Variants in IFNLR1 observed in about 807,000 individuals in gnomAD.
IFNLR1 encodes CRF2-12.
In IFNLR1, 28 loss-of-function variants were observed where a neutral mutation model predicts 52.5. The observed-to-expected ratio is 0.53, with a 90% CI of 0.40 to 0.73. IFNLR1 has a LOEUF of 0.73. Ranked by LOEUF, IFNLR1 falls within the 30% of genes least tolerant of loss-of-function variation. IFNLR1 has a pLI of 0.00. For missense variants in IFNLR1, 623 were observed against 659.1 expected (o/e 0.95, Z 0.60); for synonymous variants, 276 against 274.9 (o/e 1.00, Z -0.04).
chr1:24,177,958 C>T (rs983021539), intron 2 of IFNLR1, among the ~76,000 whole-genome samples: 15 of 151,992 alleles, frequency 9.9e-5, no homozygotes, highest in Admixed American at 7.2e-4. Context: ...GGGAAGCACC[C>T]GTATAACTCA....
At chr1:24,171,413 A>C (rs888175600) in intron 2 of IFNLR1, among the ~76,000 whole-genome samples, 4 of 152,244 alleles carry the variant, frequency 2.6e-5, no homozygotes, top group Admixed American at 1.3e-4. Flanking sequence ...TATCTCATAA[A>C]GTATTTCTTC....
rs925939756 is a variant in IFNLR1 at position 24,155,032 on chromosome 1, G to A, written c.*2098C>T. The A allele has an allele frequency of 3.3e-5, 5 of 152,184 alleles. No individual in the cohort carries two copies. Among genetic ancestry groups the A allele is most frequent in the African/African-American group, 1.2e-4 (5 of 41,440 alleles). The allele number at this position is 152,184 out of a possible 1,614,324, so 9.4% of individuals were successfully genotyped here. On this transcript the variant is annotated 3_prime_UTR_variant, in exon 7 of 7. Coordinates refer to ENST00000327535, the MANE Select transcript of IFNLR1 (RefSeq NM_170743.4). Reference sequence around the variant, plus strand: ...TGAAGTTACCTCCACGAAGCAGCTCGGCTGGTGCCAGAGAGAACATCGGTA... The same window carrying A: ...TGAAGTTACCTCCACGAAGCAGCTCAGCTGGTGCCAGAGAGAACATCGGTA...
intron 3 of IFNLR1, among the ~76,000 whole-genome samples, chr1:24,162,868 TTTCTTTCTTTCCTTCCTTCCTTCC>T (rs1644473665): frequency 0.031 from 1,788 of 57,662 alleles, 61 homozygotes; most frequent in East Asian, 0.048. Flanking sequence ...TCTTTCTTTC[TTTCTTTCTTTCCTTCCTTCCTTCC>T]TTCCTTCCTT....
intron 2 of IFNLR1, 86 bp from the exon 3 acceptor site, chr1:24,169,687 CTGTT>C (rs773869819): frequency 5.3e-5 from 74 of 1,392,140 alleles, no homozygotes; most frequent in Middle Eastern, 4.5e-4. Flanking sequence ...ATGCTTCCCT[CTGTT>C]TGGCTGGACT....
At position 24,157,430 on chromosome 1, in the gene IFNLR1, G is replaced by A. The variant is rs745996413; in HGVS notation, c.1263C>T (p.His421=). ...ATTCAGGTGGTGGGAGAGATTCTTG[G>A]TGCCCATCCCCACCCGGCCCTTGGC... is the stretch of plus-strand genomic sequence containing the variant. ...GPGQGPGGDG[H]QESLPPPEFS... is the part of the protein sequence containing the mutation. The change falls in exon 7 of 7, where the codon CAC becomes CAT. Residue 421 remains histidine (H), a synonymous_variant. Transcript: ENST00000327535. The surrounding 1 kb of genome is among the most constrained non-coding windows in gnomAD (Gnocchi z 5.1). 45 of 1,614,116 alleles carry A rather than the reference G, an allele frequency of 2.8e-5. No individual in the cohort carries two copies. Among genetic ancestry groups the A allele is most frequent in the Middle Eastern group, 1.6e-4 (1 of 6,062 alleles).
Position 24,169,415 on chromosome 1 carries a change from A to G in IFNLR1, c.367+2T>C. 9 of 1,613,256 alleles carry G rather than the reference A, an allele frequency of 5.6e-6. No homozygotes were observed. Among genetic ancestry groups the G allele is most frequent in the South Asian group, 1.1e-5 (1 of 90,966 alleles). ...CACTCAGTCCCTTACCCACAGACCT[A>G]CCTTCAAAAAGGTAATCCAGGTATT... On this transcript the variant is annotated splice_donor_variant, in intron 3 of 6. Coordinates refer to ENST00000327535, the MANE Select transcript of IFNLR1 (RefSeq NM_170743.4). LOFTEE classifies it high-confidence loss of function.
intron 2 of IFNLR1, among the ~76,000 whole-genome samples, chr1:24,179,172 C>T (rs1285626991): frequency 6.6e-6 from 1 of 151,702 alleles, no homozygotes; most frequent in Non-Finnish European, 1.5e-5. Context: ...TGGTCTCGAA[C>T]TCTTGGACTC....
intron 4 of IFNLR1, chr1:24,161,301 T>G: frequency 1.7e-6 from 1 of 601,272 alleles, no homozygotes; most frequent in South Asian, 2.1e-5. Context: ...GGTCTGCTTC[T>G]TAGAGCTTAT....
intron 6 of IFNLR1, among the ~76,000 whole-genome samples, chr1:24,158,330 T>G (rs1333359885): frequency 1.3e-5 from 2 of 152,180 alleles, no homozygotes; most frequent in Non-Finnish European, 2.9e-5. Flanking sequence ...TGGTGTGCTC[T>G]TAACAGGAAG....
rs1644552663 is a variant in IFNLR1, at chr1:24,169,274, T to A, written c.367+143A>T. Reference sequence around the variant, plus strand: ...GCTGTTGCTGGTCCCACACCCCATCTCAAAGGGCCTGGCCCAGGGAGCTGC... The same window carrying A: ...GCTGTTGCTGGTCCCACACCCCATCACAAAGGGCCTGGCCCAGGGAGCTGC... On this transcript the variant is annotated intron_variant, in intron 3 of 6. Transcript: ENST00000327535. 4 of 732,316 alleles carry A rather than the reference T, an allele frequency of 5.5e-6. No individual in the cohort carries two copies. The East Asian group carries it at 1.1e-4, about 20-fold the overall frequency. 45.4% of individuals were successfully genotyped at this position (732,316 alleles called of 1,614,324 possible). A position where few individuals can be genotyped will look rare whatever the true frequency, so the allele number is the denominator to read the frequency against.
In IFNLR1 at chr1:24,159,478, G is replaced by A. The variant is rs751927234; in HGVS notation, c.666C>T (p.Val222=). 5.6e-6 allele frequency: 9 copies of A among 1,613,918 alleles called. No individual in the cohort carries two copies. Among genetic ancestry groups the A allele is most frequent in the Admixed American group, 1.7e-5 (1 of 59,994 alleles). ...TCTGCACCACTTGATACCCACCTGG[G>A]ACCTCCAGCAAGAAGCAGGTGGGCT... ...FSKPTCFLLE[V]PEANWAFLVL... The change falls in exon 5 of 7, where the codon GTC becomes GTT. Residue 222 remains valine (V), a synonymous_variant. Coordinates refer to ENST00000327535, the MANE Select transcript of IFNLR1 (RefSeq NM_170743.4).
At chr1:24,170,607 G>T (rs964837570) in intron 2 of IFNLR1, among the ~76,000 whole-genome samples, 1 of 152,132 alleles carries the variant, frequency 6.6e-6, no homozygotes, top group Non-Finnish European at 1.5e-5. Flanking sequence ...TGACCCACCC[G>T]CTTGGCCTCC....
At chr1:24,159,024 C>T (rs772629639) in intron 6 of IFNLR1, 28 bp downstream of exon 6, 1 of 1,609,028 alleles carries the variant, frequency 6.2e-7, no homozygotes, top group South Asian at 1.1e-5. Flanking sequence ...CCCTCCCCAC[C>T]TGCTGCACAC....
chr1:24,178,219 AG>A (rs545265767), intron 2 of IFNLR1, among the ~76,000 whole-genome samples: 229 of 151,928 alleles, frequency 1.5e-3, no homozygotes, highest in African/African-American at 5.4e-3. Flanking sequence ...CAGGAGGTGG[AG>A]GTTGCAGTGA....
intron 1 of IFNLR1, among the ~76,000 whole-genome samples, chr1:24,185,749 C>T (rs1290518369): frequency 6.6e-6 from 1 of 152,186 alleles, no homozygotes; most frequent in Non-Finnish European, 1.5e-5. Flanking sequence ...TCCCCAGATT[C>T]GAGCTAGGTC....
rs191566248 is a variant in IFNLR1 at position 24,181,894 on chromosome 1, C to T, written c.59-1040G>A. Among the ~76,000 whole-genome samples the T allele has an allele frequency of 6.1e-4, 93 of 152,192 alleles. No homozygotes were observed. In the East Asian group the frequency reaches 0.01, roughly 16 times the overall value. On this transcript the variant is annotated intron_variant, in intron 1 of 6. Transcript: ENST00000327535. ...TAGACAGCTAGGCTATTAGGCTGTC[C>T]GCCAGGTAAGAAGTATTTCATGGGC... is the stretch of plus-strand genomic sequence containing the variant.
At chr1:24,173,936 C>A (rs1019524831) in intron 2 of IFNLR1, among the ~76,000 whole-genome samples, 1 of 152,162 alleles carries the variant, frequency 6.6e-6, no homozygotes, top group Non-Finnish European at 1.5e-5. Flanking sequence ...ATGTTCACAG[C>A]AGCTTAATTC....
rs1644554881 is a variant in IFNLR1, at chr1:24,169,443, G to A, written c.341C>T (p.Ser114Phe). 2 of 1,614,182 alleles carry A rather than the reference G, an allele frequency of 1.2e-6. No homozygotes were observed. Among genetic ancestry groups the A allele is most frequent in the African/African-American group, 1.3e-5 (1 of 75,056 alleles). The change falls in exon 3 of 7, where the codon TCC (serine) becomes TTC (phenylalanine). Residue 114 changes from serine to phenylalanine, a missense_variant. Ser to Phe is a radical substitution (Grantham distance 155). Transcript: ENST00000327535. ...TTCAAAAAGGTAATCCAGGTATTCG[G>A]ACTCCACCCAGGGGGACTTGGAGCT... ...SPSSKSPWVE[S>F]EYLDYLFEVE...
intron 4 of IFNLR1, among the ~76,000 whole-genome samples, chr1:24,160,244 C>T (rs567072397): frequency 6.6e-6 from 1 of 152,210 alleles, no homozygotes; most frequent in Non-Finnish European, 1.5e-5. Flanking sequence ...TCTACAGATG[C>T]TGCACTGTGT....
Sources: allele counts gnomAD v4.1 joint callset (sites outside exome capture counted in the v4.1 genomes callset), GRCh38; gene constraint gnomAD v4.1.1; non-coding constraint Gnocchi (gnomAD v3.1); transcripts MANE v1.5; gene names NCBI Gene and HGNC (gene_info 2026-07-23, HGNC 2026-07-21).